ATXN10: variants seen among roughly 807,000 people sequenced by gnomAD.
ATXN10 encodes ataxin 10.
In ATXN10, 28 loss-of-function variants were observed where a neutral mutation model predicts 52.9. The ratio of observed to expected loss-of-function variants is 0.53; its 90% confidence interval spans 0.39 to 0.73. The LOEUF is 0.73. ATXN10 is among the 30% of genes least tolerant of loss of function. ATXN10 has a pLI of 0.00. For synonymous variants in ATXN10, 226 were observed against 221.5 expected, an observed-to-expected ratio of 1.02 and a Z score of -0.18; for missense variants, 565 against 577.0, an observed-to-expected ratio of 0.98 and a Z score of 0.21.
intron 10 of ATXN10, among the ~76,000 whole-genome samples, chr22:45,822,658 G>A (rs58215980): frequency 6.6e-6 from 1 of 151,032 alleles, no homozygotes; most frequent in Non-Finnish European, 1.5e-5. Flanking sequence ...AGCCCCATGA[G>A]TAGCTGGGAT....
At chr22:45,737,142 AT>A (rs2146798692) in intron 7 of ATXN10, among the ~76,000 whole-genome samples, 1 of 152,152 alleles carries the variant, frequency 6.6e-6, no homozygotes, top group African/African-American at 2.4e-5. Flanking sequence ...AAACCGCTTG[AT>A]TTGTTTTCAG....
intron 10 of ATXN10, among the ~76,000 whole-genome samples, chr22:45,808,526 A>G (rs1198116713): frequency 6.6e-6 from 1 of 152,194 alleles, no homozygotes; most frequent in Non-Finnish European, 1.5e-5. Flanking sequence ...CCGTTCATTC[A>G]GTTCTTCCTT....
intron 5 of ATXN10, among the ~76,000 whole-genome samples, chr22:45,713,407 T>A (rs1924326054): frequency 6.6e-6 from 1 of 152,152 alleles, no homozygotes; most frequent in African/African-American, 2.4e-5. Context: ...ACAATGTGAT[T>A]TGTGAATGTT....
In ATXN10 at chr22:45,708,762, C is replaced by T. The variant is rs1924133083; in HGVS notation, c.647+5915C>T. On this transcript the variant is annotated intron_variant, in intron 5 of 11. Coordinates refer to ENST00000252934, the MANE Select transcript of ATXN10 (RefSeq NM_013236.4). The surrounding 1 kb of genome is among the most constrained non-coding windows in gnomAD (Gnocchi z 5.3). ...TCAAGTGATTCTCCCATCTCAGCCCCCTGAGTAGCCAGGACTACAGGCGTG... is the reference window on the plus strand; with the variant it reads ...TCAAGTGATTCTCCCATCTCAGCCCTCTGAGTAGCCAGGACTACAGGCGTG... Among the ~76,000 whole-genome samples, 1 of 152,162 alleles carries T rather than the reference C, an allele frequency of 6.6e-6. No individual in the cohort carries two copies. The highest frequency in any genetic ancestry group is 2.4e-5 in the African/African-American group (1 of 41,428).
At position 45,757,267 on chromosome 22, in the gene ATXN10, C is replaced by T. The variant is rs757780515; in HGVS notation, c.1173+16729C>T. 2.0e-5 allele frequency among the ~76,000 whole-genome samples: 3 copies of T among 152,136 alleles called. No individual in the cohort carries two copies. Among genetic ancestry groups the T allele is most frequent in the Non-Finnish European group, 4.4e-5 (3 of 68,028 alleles). On this transcript the variant is annotated intron_variant, in intron 9 of 11. Transcript: ENST00000252934. The surrounding 1 kb of genome is among the most constrained non-coding windows in gnomAD (Gnocchi z 4.6). ...TTGCCTGTTGGAATTCCAACCCTGG[C>T]GACTTTCAGCTACACCCTCCTCCCT...
At chr22:45,695,453 G>C (rs1923568173) in intron 3 of ATXN10, among the ~76,000 whole-genome samples, 2 of 150,432 alleles carry the variant, frequency 1.3e-5, no homozygotes, top group African/African-American at 4.9e-5. Context: ...TTTATATACA[G>C]TTTTAATGCC....
rs773015137 is a variant in ATXN10, at chr22:45,690,933, T to G, written c.308+1030T>G. 1.4e-4 allele frequency among the ~76,000 whole-genome samples: 21 copies of G among 152,304 alleles called. No homozygotes were observed. The highest frequency in any genetic ancestry group is 3.4e-3 in the Middle Eastern group (1 of 294). On this transcript the variant is annotated intron_variant, in intron 2 of 11. Coordinates refer to ENST00000252934, the MANE Select transcript of ATXN10 (RefSeq NM_013236.4). This position sits in a 1 kb window ranked among gnomAD's most constrained non-coding sequence, Gnocchi z 4.5. ...TAGACAGAGCCTCCAGGCTTCCCTGTCACCACTGTGACGGGTAAGCTTGGG... is the reference window on the plus strand; with the variant it reads ...TAGACAGAGCCTCCAGGCTTCCCTGGCACCACTGTGACGGGTAAGCTTGGG...
rs926409469 is a variant in ATXN10, at chr22:45,683,625, T to A, written c.117-6087T>A. ...AATAATATCTTATGTACAAAATCTTTCTCTAAGCATGTAAAGACATTCTCC... is the reference window on the plus strand; with the variant it reads ...AATAATATCTTATGTACAAAATCTTACTCTAAGCATGTAAAGACATTCTCC... On this transcript the variant is annotated intron_variant, in intron 1 of 11. Transcript: ENST00000252934. The surrounding 1 kb of genome is among the most constrained non-coding windows in gnomAD (Gnocchi z 4.8). 6.6e-6 allele frequency among the ~76,000 whole-genome samples: 1 copy of A among 152,220 alleles called. No individual in the cohort carries two copies. Among genetic ancestry groups the A allele is most frequent in the Non-Finnish European group, 1.5e-5 (1 of 68,032 alleles).
intron 7 of ATXN10, 44 bp downstream of exon 7, chr22:45,729,634 C>T: frequency 6.2e-7 from 1 of 1,600,110 alleles, no homozygotes; most frequent in Non-Finnish European, 8.6e-7. Context: ...AGAGAATGGA[C>T]AGATTTTCTA....
intron 7 of ATXN10, among the ~76,000 whole-genome samples, chr22:45,737,064 G>A (rs1034533662): frequency 5.9e-5 from 9 of 152,166 alleles, no homozygotes; most frequent in Admixed American, 5.2e-4. Flanking sequence ...TGGTTTTGTG[G>A]CATCATTCAA....
At chr22:45,767,335 AT>A (rs1449412413) in intron 9 of ATXN10, among the ~76,000 whole-genome samples, 2 of 152,078 alleles carry the variant, frequency 1.3e-5, no homozygotes, top group Admixed American at 1.3e-4. Context: ...ATCGCAAAAC[AT>A]TTTTATAGTA....
At chr22:45,773,098 G>A (rs1460669084) in intron 9 of ATXN10, among the ~76,000 whole-genome samples, 1 of 152,194 alleles carries the variant, frequency 6.6e-6, no homozygotes, top group Non-Finnish European at 1.5e-5. Flanking sequence ...TGTGGTGGGG[G>A]AGCTACTGTA....
At chr22:45,741,787 C>CA (rs1195796112) in intron 9 of ATXN10, among the ~76,000 whole-genome samples, 1 of 152,092 alleles carries the variant, frequency 6.6e-6, no homozygotes, top group Non-Finnish European at 1.5e-5. Context: ...AAACTTTGGA[C>CA]AAAAAATAGC....
rs893605935 is a variant in ATXN10, at chr22:45,762,354, C to T, written c.1173+21816C>T. On this transcript the variant is annotated intron_variant, in intron 9 of 11. Coordinates refer to ENST00000252934, the MANE Select transcript of ATXN10 (RefSeq NM_013236.4). This position sits in a 1 kb window ranked among gnomAD's most constrained non-coding sequence, Gnocchi z 4.3. ...AGGCACTCCCGCTTCATGACTACAT[C>T]TCATTTTTTATTTATCTTTGTTATG... 6.6e-6 allele frequency among the ~76,000 whole-genome samples: 1 copy of T among 152,188 alleles called. No homozygotes were observed. The highest frequency in any genetic ancestry group is 1.5e-5 in the Non-Finnish European group (1 of 68,040).
rs1195025150 is a variant in ATXN10 at position 45,715,611 on chromosome 22, G to T, written c.648-2802G>T. 1.3e-5 allele frequency among the ~76,000 whole-genome samples: 2 copies of T among 152,136 alleles called. No individual in the cohort carries two copies. Among genetic ancestry groups the T allele is most frequent in the African/African-American group, 2.4e-5 (1 of 41,430 alleles). ...CCAAGACAATTCTTCTTCCAGTGTG[G>T]CCCAGGGAAGCCAAAAGATTGGACA... On this transcript the variant is annotated intron_variant, in intron 5 of 11. Coordinates refer to ENST00000252934, the MANE Select transcript of ATXN10 (RefSeq NM_013236.4). This position sits in a 1 kb window ranked among gnomAD's most constrained non-coding sequence, Gnocchi z 4.4.
chr22:45,798,438 A>G (rs929128082), intron 9 of ATXN10, among the ~76,000 whole-genome samples: 1 of 152,358 alleles, frequency 6.6e-6, no homozygotes, highest in Non-Finnish European at 1.5e-5. Flanking sequence ...CAATATGATT[A>G]TCTCAATAGA....
At chr22:45,810,014 GATA>G (rs1452056958) in intron 10 of ATXN10, among the ~76,000 whole-genome samples, 5 of 151,986 alleles carry the variant, frequency 3.3e-5, no homozygotes, top group African/African-American at 9.7e-5. Flanking sequence ...AGGTTATGAT[GATA>G]ATAATATATT....
chr22:45,744,156 C>G lies in ATXN10; in HGVS notation c.1173+3618C>G, dbSNP rs1327773241. 1.3e-5 allele frequency among the ~76,000 whole-genome samples: 2 copies of G among 152,192 alleles called. No individual in the cohort carries two copies. The highest frequency in any genetic ancestry group is 1.9e-4 in the East Asian group (1 of 5,196). ...GGTAATTCAGGCAAGGTATTAATAT[C>G]TTCTGTGGAGCTTCCATTCTGGCAT... On this transcript the variant is annotated intron_variant, in intron 9 of 11. Transcript: ENST00000252934. The surrounding 1 kb of genome is among the most constrained non-coding windows in gnomAD (Gnocchi z 4.9).
chr22:45,789,621 C>G lies in ATXN10; in HGVS notation c.1174-17338C>G, dbSNP rs1271098007. 6.6e-6 allele frequency among the ~76,000 whole-genome samples: 1 copy of G among 152,200 alleles called. No homozygotes were observed. Among genetic ancestry groups the G allele is most frequent in the Non-Finnish European group, 1.5e-5 (1 of 68,030 alleles). ...GGTTAGTATGTTAATACAGCTCTCT[C>G]CACGACAAGAAGAAGAGAGGGAGAG... On this transcript the variant is annotated intron_variant, in intron 9 of 11. Coordinates refer to ENST00000252934, the MANE Select transcript of ATXN10 (RefSeq NM_013236.4). This position sits in a 1 kb window ranked among gnomAD's most constrained non-coding sequence, Gnocchi z 4.0.
Sources: gnomAD v4.1 joint callset for allele counts (sites outside exome capture counted in the v4.1 genomes callset) on GRCh38, gnomAD v4.1.1 for gene constraint, Gnocchi (gnomAD v3.1) non-coding constraint, MANE v1.5 for transcripts, NCBI Gene and HGNC (gene_info 2026-07-23, HGNC 2026-07-21) for gene names.